PTPN7: variants seen among roughly 807,000 people sequenced by gnomAD.
PTPN7 encodes protein tyrosine phosphatase non-receptor type 7, also known as tyrosine-protein phosphatase non-receptor type 7.
In PTPN7, 33 loss-of-function variants were observed where a neutral mutation model predicts 50.3. The ratio of observed to expected loss-of-function variants is 0.66; its 90% CI spans 0.50 to 0.88. PTPN7 has a LOEUF of 0.88. PTPN7 is among the 40% of genes least tolerant of loss of function. PTPN7 has a pLI of 0.00. For missense variants in PTPN7, 412 were observed against 475.4 expected, an observed-to-expected ratio of 0.87 and a Z score of 1.24; for synonymous variants, 185 against 186.6, an observed-to-expected ratio of 0.99 and a Z score of 0.07.
At position 202,148,610 on chromosome 1, in the gene PTPN7, G is replaced by GGGCTGGGTTCCTCAGGC. The variant is rs1558311721; in HGVS notation, c.1062_1078dup (p.Pro360ArgfsTer50). On this transcript the variant is annotated frameshift_variant, in exon 10 of 10. Coordinates refer to ENST00000691036, the MANE Select transcript of PTPN7 (RefSeq NM_002832.4). LOFTEE classifies it high-confidence loss of function. ...GCCACCGGAGGGTGGCAGGGGTCAG[G>GGGCTGGGTTCCTCAGGC]GGCTGGGTTCCTCAGGCAGCTGGCC... is the stretch of plus-strand genomic sequence containing the variant. The GGGCTGGGTTCCTCAGGC allele has an allele frequency of 1.2e-6, 2 of 1,613,870 alleles. No homozygotes were observed. Among genetic ancestry groups the GGGCTGGGTTCCTCAGGC allele is most frequent in the Non-Finnish European group, 8.5e-7 (1 of 1,179,874 alleles).
Position 202,159,360 on chromosome 1 carries a change from T to C in PTPN7, c.43A>G (p.Thr15Ala). Residue 15 changes from threonine to alanine, a missense_variant, in exon 2 of 10, where the codon ACC (threonine) becomes GCC (alanine). Transcript: ENST00000691036. This position sits in a 1 kb window ranked among gnomAD's most constrained non-coding sequence, Gnocchi z 4.6. ...GTCATGGCTGCCCCCAAAGACAAGGTCAACGGCTGTGCTCTGGAGCGCCCC... is the reference window on the plus strand; with the variant it reads ...GTCATGGCTGCCCCCAAAGACAAGGCCAACGGCTGTGCTCTGGAGCGCCCC... ...HGGRSRAQPL[T>A]LSLGAAMTQP... 1 of 1,614,134 alleles carries C rather than the reference T, an allele frequency of 6.2e-7. No individual in the cohort carries two copies. Among genetic ancestry groups the C allele is most frequent in the Non-Finnish European group, 8.5e-7 (1 of 1,180,018 alleles).
chr1:202,152,787 G>C (rs1182097379), intron 7 of PTPN7, 88 bp from the exon 8 acceptor site: 10 of 1,465,766 alleles, frequency 6.8e-6, no homozygotes, highest in Non-Finnish European at 7.5e-6. Flanking sequence ...GGCAAGGGCT[G>C]GAATTACCCT....
chr1:202,159,199 G>T lies in PTPN7; in HGVS notation c.122+82C>A. ...GGGCCCTCTGGACCCTGCTGTCAGAGCTGGAGGGGCAGATGGAAGGAAGGG... is the reference window on the plus strand; with the variant it reads ...GGGCCCTCTGGACCCTGCTGTCAGATCTGGAGGGGCAGATGGAAGGAAGGG... On this transcript the variant is annotated intron_variant, in intron 2 of 9. Coordinates refer to ENST00000691036, the MANE Select transcript of PTPN7 (RefSeq NM_002832.4). This position sits in a 1 kb window ranked among gnomAD's most constrained non-coding sequence, Gnocchi z 4.6. 1 of 1,411,012 alleles carries T rather than the reference G, an allele frequency of 7.1e-7. No homozygotes were observed. Among genetic ancestry groups the T allele is most frequent in the Non-Finnish European group, 9.9e-7 (1 of 1,008,580 alleles). 87.4% of individuals were successfully genotyped at this position (1,411,012 alleles called of 1,614,324 possible).
At chr1:202,151,766 C>T (rs1439164507) in intron 8 of PTPN7, among the ~76,000 whole-genome samples, 1 of 152,116 alleles carries the variant, frequency 6.6e-6, no homozygotes, top group Non-Finnish European at 1.5e-5. Flanking sequence ...ATCCTCCCGC[C>T]TCAGCCTCCC....
At position 202,159,331 on chromosome 1, in the gene PTPN7, C is replaced by T; in HGVS notation, c.72G>A (p.Gln24=). 6.2e-7 allele frequency: 1 copy of T among 1,614,220 alleles called. No individual in the cohort carries two copies. The highest frequency in any genetic ancestry group is 8.5e-7 in the Non-Finnish European group (1 of 1,180,032). Residue 24 remains glutamine, a synonymous_variant, in exon 2 of 10, where the codon CAG becomes CAA. Transcript: ENST00000691036. The surrounding 1 kb of genome is among the most constrained non-coding windows in gnomAD (Gnocchi z 4.6). ...LTLSLGAAMT[Q]PPPEKTPAKK... is the part of the protein sequence containing the mutation. ...TGGCTGGCGTTTTTTCAGGCGGAGG[C>T]TGGGTCATGGCTGCCCCCAAAGACA... is the stretch of plus-strand genomic sequence containing the variant.
chr1:202,159,389 T>C lies in PTPN7; in HGVS notation c.14A>G (p.His5Arg), dbSNP rs763915678. Residue 5 changes from histidine (H) to arginine (R), a missense_variant, in exon 2 of 10, where the codon CAT becomes CGT. Coordinates refer to ENST00000691036, the MANE Select transcript of PTPN7 (RefSeq NM_002832.4). This position sits in a 1 kb window ranked among gnomAD's most constrained non-coding sequence, Gnocchi z 4.6. ...CGGCTGTGCTCTGGAGCGCCCCCCATGGGCTTGGACCATGCTGAGGTGGGG... is the reference window on the plus strand; with the variant it reads ...CGGCTGTGCTCTGGAGCGCCCCCCACGGGCTTGGACCATGCTGAGGTGGGG... MVQA[H>R]GGRSRAQPLT... is the part of the protein sequence containing the mutation. 64 of 1,614,136 alleles carry C rather than the reference T, an allele frequency of 4.0e-5. 1 individual carries two copies. In the East Asian group the frequency reaches 1.4e-3, roughly 35 times the overall value.
chr1:202,155,202 G>A (rs527589544), intron 5 of PTPN7, among the ~76,000 whole-genome samples: 3 of 152,286 alleles, frequency 2.0e-5, no homozygotes, highest in South Asian at 4.1e-4. Flanking sequence ...TGCAGTTCTC[G>A]GGAGCTGTGA....
At chr1:202,161,242 C>A (rs1045481937), upstream of PTPN7, 1 of 1,129,596 alleles carries the variant, frequency 8.9e-7, no homozygotes, top group Non-Finnish European at 1.1e-6. Flanking sequence ...CAGCTCTCCA[C>A]AGCCCACGGC....
chr1:202,152,362 G>C (rs1003846082), intron 8 of PTPN7, among the ~76,000 whole-genome samples, 180 bp downstream of exon 8: 12 of 152,236 alleles, frequency 7.9e-5, no homozygotes, highest in Admixed American at 7.9e-4. Flanking sequence ...CCAGATGTCT[G>C]GGTTCTGCGT....
chr1:202,150,211 A>T, intron 9 of PTPN7, 100 bp downstream of exon 9: 1 of 875,678 alleles, frequency 1.1e-6, no homozygotes, highest in Non-Finnish European at 1.9e-6. Flanking sequence ...CCTTTCTTGC[A>T]GGAGTGCTTG....
upstream of PTPN7, chr1:202,161,347 G>C (rs1449525093): frequency 8.3e-7 from 1 of 1,204,308 alleles, no homozygotes; most frequent in Non-Finnish European, 1.1e-6. Context: ...CCCCCTGCAG[G>C]CCTCCTCCCA....
In PTPN7 at chr1:202,155,567, T is replaced by A; in HGVS notation, c.434A>T (p.Glu145Val). 6.3e-7 allele frequency: 1 copy of A among 1,574,924 alleles called. No individual in the cohort carries two copies. The highest frequency in any genetic ancestry group is 1.1e-5 in the South Asian group (1 of 90,234). ...RVCLGRAQSQ[E>V]DGDYINANYI... ...GTTGGCATTGATGTAATCTCCGTCC[T>A]CCTGGCTCTGTGCCCGGCCTAGACA... is the stretch of plus-strand genomic sequence containing the variant. The change falls in exon 5 of 10, where the codon GAG (glutamate) becomes GTG (valine). Residue 145 changes from glutamate (E) to valine (V), a missense_variant. Coordinates refer to ENST00000691036, the MANE Select transcript of PTPN7 (RefSeq NM_002832.4).
Position 202,148,356 on chromosome 1 carries a change from T to C in PTPN7, c.*250A>G, listed in dbSNP as rs1655549766. On this transcript the variant is annotated 3_prime_UTR_variant, in exon 10 of 10. Transcript: ENST00000691036. The stretch of plus-strand genomic sequence containing the variant: ...TCCTGTCTTTAAGTTCAGAGAGACA[T>C]TGGAGGTTCCCCTTACTGTCCATCT... The C allele has an allele frequency of 4.7e-6, 2 of 422,552 alleles. No individual in the cohort carries two copies. The highest frequency in any genetic ancestry group is 5.1e-5 in the South Asian group (1 of 19,764). 26.2% of individuals were successfully genotyped at this position (422,552 alleles called of 1,614,324 possible).
At position 202,154,328 on chromosome 1, in the gene PTPN7, A is replaced by G. The variant is rs1354890438; in HGVS notation, c.469-5T>C. On this transcript the variant is annotated splice_polypyrimidine_tract_variant and splice_region_variant and intron_variant, in intron 5 of 9. Coordinates refer to ENST00000691036, the MANE Select transcript of PTPN7 (RefSeq NM_002832.4). ...CTTCTCCTTCCCGTCATAGCCCTGG[A>G]AGGTGGAAGCACAGGGGAAGGGGTG... The G allele has an allele frequency of 1.2e-6, 2 of 1,609,502 alleles. No homozygotes were observed. The highest frequency in any genetic ancestry group is 2.7e-5 in the African/African-American group (2 of 74,868).
chr1:202,159,968 T>C lies in PTPN7; in HGVS notation c.-52-514A>G. On this transcript the variant is annotated intron_variant, in intron 1 of 9. Transcript: ENST00000691036. The surrounding 1 kb of genome is among the most constrained non-coding windows in gnomAD (Gnocchi z 4.6). ...CAGGGTCCTCTCCTAACTGCTGCTG[T>C]TCCACTCCCAGGTCTGTTTCTGGCT... 4 of 1,000,586 alleles carry C rather than the reference T, an allele frequency of 4.0e-6. No homozygotes were observed. The highest frequency in any genetic ancestry group is 4.4e-5 in the South Asian group (1 of 22,540). 62.0% of individuals were successfully genotyped at this position (1,000,586 alleles called of 1,614,324 possible). A position where few individuals can be genotyped will look rare whatever the true frequency, so the allele number is the denominator to read the frequency against.
intron 9 of PTPN7, 148 bp from the exon 10 acceptor site, chr1:202,148,847 C>CTTGTTTT (rs1655614733): frequency 7.6e-6 from 1 of 130,988 alleles, no homozygotes; most frequent in African/African-American, 4.5e-5. Context: ...CATCTTTTCA[C>CTTGTTTT]TTTTTTTTTT....
chr1:202,152,744 C>T, intron 7 of PTPN7, 45 bp from the exon 8 acceptor site: 1 of 1,593,752 alleles, frequency 6.3e-7, no homozygotes, highest in Non-Finnish European at 8.6e-7. Context: ...GGGTGGAGGG[C>T]ACTGTCTACC....
upstream of PTPN7, chr1:202,160,666 C>A: frequency 6.4e-7 from 1 of 1,550,590 alleles, no homozygotes; most frequent in Non-Finnish European, 8.7e-7. The surrounding 1 kb of genome is among the most constrained non-coding windows in gnomAD (Gnocchi z 4.8). Flanking sequence ...CTTGCTGCCA[C>A]CCACGCACAC....
At position 202,159,620 on chromosome 1, in the gene PTPN7, C is replaced by A; in HGVS notation, c.-52-166G>T. ...GAAGGACAGGATCTATTTGGTGGGACCCAGGGCAGAAGGCAGTCTCGGGGT... is the reference window on the plus strand; with the variant it reads ...GAAGGACAGGATCTATTTGGTGGGAACCAGGGCAGAAGGCAGTCTCGGGGT... On this transcript the variant is annotated intron_variant, in intron 1 of 9. Coordinates refer to ENST00000691036, the MANE Select transcript of PTPN7 (RefSeq NM_002832.4). This position sits in a 1 kb window ranked among gnomAD's most constrained non-coding sequence, Gnocchi z 4.6. 6.8e-7 allele frequency: 1 copy of A among 1,470,878 alleles called. No homozygotes were observed. 91.1% of individuals were successfully genotyped at this position (1,470,878 alleles called of 1,614,324 possible).
Sources: gnomAD v4.1 joint callset for allele counts (sites outside exome capture counted in the v4.1 genomes callset) on GRCh38, gnomAD v4.1.1 for gene constraint, Gnocchi (gnomAD v3.1) non-coding constraint, MANE v1.5 for transcripts, NCBI Gene and HGNC (gene_info 2026-07-23, HGNC 2026-07-21) for gene names.